The following SMCHD1 variants were observed in gnomAD, a reference collection of about 807,000 sequenced individuals.
SMCHD1 encodes structural maintenance of chromosomes flexible hinge domain-containing protein 1.
Under a neutral mutation model 254.7 loss-of-function variants are expected in SMCHD1, and 78 were observed. The ratio of observed to expected loss-of-function variants is 0.31; its 90% confidence interval spans 0.26 to 0.37. The LOEUF (loss-of-function observed/expected upper bound fraction) is 0.37, where lower values mean the gene tolerates loss of function less well. Ranked by LOEUF, SMCHD1 falls within the 10% of genes least tolerant of loss-of-function variation. The pLI is 1.00. For synonymous variants in SMCHD1, 766 were observed against 794.9 expected (o/e 0.96, Z 0.61); for missense variants, 1,840 against 2,408.1 (o/e 0.76, Z 4.94).
intron 22 of SMCHD1, among the ~76,000 whole-genome samples, chr18:2,727,700 A>T (rs2075052687): frequency 6.6e-6 from 1 of 152,038 alleles, no homozygotes; most frequent in South Asian, 2.1e-4. Flanking sequence ...TAAAATGGGG[A>T]TGATGATAAT....
intron 1 of SMCHD1, among the ~76,000 whole-genome samples, chr18:2,665,213 C>T (rs2073402733): frequency 6.6e-6 from 1 of 152,072 alleles, no homozygotes; most frequent in East Asian, 1.9e-4. Flanking sequence ...TTTTACAGTT[C>T]ATGTGTTCAT....
intron 1 of SMCHD1, among the ~76,000 whole-genome samples, chr18:2,662,196 TAAATAAAGAAAGAAAG>T (rs1449202769): frequency 1.3e-5 from 1 of 79,826 alleles, no homozygotes; most frequent in East Asian, 2.4e-4. Flanking sequence ...AATAAATAAA[TAAATAAAGAAAGAAAG>T]AAAGAAAGAA....
intron 12 of SMCHD1, 180 bp downstream of exon 12, chr18:2,701,098 ATGACTAAACC>A: frequency 2.2e-6 from 1 of 464,170 alleles, no homozygotes; most frequent in Non-Finnish European, 3.8e-6. Context: ...TTTTTTAGTA[ATGACTAAACC>A]TACCTAGTAA....
intron 3 of SMCHD1, among the ~76,000 whole-genome samples, chr18:2,668,253 T>C (rs943786737): frequency 6.6e-6 from 1 of 152,230 alleles, no homozygotes; most frequent in Non-Finnish European, 1.5e-5. Flanking sequence ...CTGAATGTTC[T>C]TGTGACTAAA....
intron 10 of SMCHD1, among the ~76,000 whole-genome samples, chr18:2,698,258 TTTAG>T (rs1306065616): frequency 2.6e-5 from 4 of 152,220 alleles, no homozygotes; most frequent in African/African-American, 9.6e-5. Flanking sequence ...GAACTCTTCT[TTTAG>T]TTCTGTTACG....
At chr18:2,685,576 A>G (rs2074033748) in intron 5 of SMCHD1, among the ~76,000 whole-genome samples, 1 of 152,100 alleles carries the variant, frequency 6.6e-6, no homozygotes, top group African/African-American at 2.4e-5. Context: ...CTGTACCCCC[A>G]AATTGAAGCT....
At position 2,799,261 on chromosome 18, in the gene SMCHD1, C is replaced by CT. The variant is rs111665767; in HGVS notation, c.5993+2749dup. On this transcript the variant is annotated intron_variant, in intron 47 of 47. Transcript: ENST00000320876. ...AATGATTAATGAGCTATTTTACATT[C>CT]TTTTTTTTTAAATACAAAGTCTTCA... Among the ~76,000 whole-genome samples the CT allele has an allele frequency of 7.2e-3, 1,082 of 151,298 alleles. 15 individuals carry two copies. Among genetic ancestry groups the CT allele is most frequent in the African/African-American group, 0.025 (1,031 of 41,274 alleles).
At chr18:2,694,182 A>G (rs2074241350) in intron 7 of SMCHD1, among the ~76,000 whole-genome samples, 1 of 152,214 alleles carries the variant, frequency 6.6e-6, no homozygotes, top group Non-Finnish European at 1.5e-5. Context: ...CTCCCAAGCA[A>G]GCGTTCATTC....
intron 45 of SMCHD1, among the ~76,000 whole-genome samples, chr18:2,790,378 A>G (rs1008921777): frequency 6.6e-6 from 1 of 152,176 alleles, no homozygotes; most frequent in Non-Finnish European, 1.5e-5. Flanking sequence ...TTATTACAGT[A>G]TATTTTTATT....
chr18:2,690,646 CTTT>C (rs71365194), intron 7 of SMCHD1, among the ~76,000 whole-genome samples: 19 of 133,572 alleles, frequency 1.4e-4, no homozygotes, highest in Admixed American at 2.3e-4. Flanking sequence ...TAATTTTTTT[CTTT>C]TTTTTTTTTT....
intron 7 of SMCHD1, chr18:2,691,596 T>C (rs1025926753): frequency 6.6e-6 from 1 of 152,220 alleles, no homozygotes; most frequent in African/African-American, 2.4e-5. Flanking sequence ...CACTGAATCA[T>C]GCTAGCTTCA....
At chr18:2,707,511 A>T in intron 15 of SMCHD1, 52 bp from the exon 16 acceptor site, 1 of 1,053,438 alleles carries the variant, frequency 9.5e-7, no homozygotes, top group Non-Finnish European at 1.4e-6. Context: ...TTTTTAATTA[A>T]GATCATAATT....
intron 41 of SMCHD1, 75 bp from the exon 42 acceptor site, chr18:2,775,659 C>G: frequency 9.2e-6 from 12 of 1,303,344 alleles, no homozygotes; most frequent in East Asian, 2.8e-5. Context: ...GTTACCTAGG[C>G]TTGGGCTTTT....
chr18:2,688,291 G>A, intron 5 of SMCHD1, 103 bp from the exon 6 acceptor site: 1 of 759,972 alleles, frequency 1.3e-6, no homozygotes, highest in African/African-American at 1.7e-5. Flanking sequence ...AGGGGTGTTT[G>A]CAGGCGTGAT....
Position 2,738,509 on chromosome 18 carries a change from A to G in SMCHD1, c.3389A>G (p.Asp1130Gly), listed in dbSNP as rs375371574. 2.5e-6 allele frequency: 4 copies of G among 1,612,762 alleles called. No homozygotes were observed. The highest frequency in any genetic ancestry group is 3.4e-6 in the Non-Finnish European group (4 of 1,179,450). ...DMRYCQVSFQDDHVSLESAFT... is the reference protein window; with the variant it reads ...DMRYCQVSFQGDHVSLESAFT... ...CGCTATTGCCAGGTTTCATTCCAAG[A>G]TGATCATGTGTCTTTGGAAAGTGCG... The change falls in exon 26 of 48, where the codon GAT (aspartate) becomes GGT (glycine). Residue 1130 changes from aspartate to glycine, a missense_variant. Asp to Gly is a moderately conservative substitution (Grantham distance 94, BLOSUM62 -1). Around this residue, in one of 9 missense-constraint regions of SMCHD1, gnomAD observed 881 missense variants for 1,009.5 expected, o/e 0.87. Transcript: ENST00000320876.
chr18:2,772,446 G>A (rs1178742916), intron 41 of SMCHD1, 74 bp downstream of exon 41: 2 of 1,296,306 alleles, frequency 1.5e-6, no homozygotes, highest in Non-Finnish European at 2.0e-6. Context: ...TCTTCTAAAA[G>A]TGACAAAAAA....
intron 20 of SMCHD1, among the ~76,000 whole-genome samples, chr18:2,723,938 A>G (rs1025007076): frequency 4.6e-5 from 7 of 152,116 alleles, no homozygotes; most frequent in African/African-American, 7.2e-5. Context: ...GGAGACTGCT[A>G]TCATTTGCCA....
chr18:2,664,772 C>T (rs1217442702), intron 1 of SMCHD1, among the ~76,000 whole-genome samples: 1 of 152,182 alleles, frequency 6.6e-6, no homozygotes, highest in African/African-American at 2.4e-5. Flanking sequence ...TTTGATCTGA[C>T]TTGCCATTCC....
At chr18:2,785,082 G>A (rs776258156) in intron 45 of SMCHD1, 4 of 277,504 alleles carry the variant, frequency 1.4e-5, no homozygotes, top group Non-Finnish European at 2.8e-5. Flanking sequence ...TGTATGACAT[G>A]TGATCTCCTG....
Sources: gnomAD v4.1 joint callset for allele counts (sites outside exome capture counted in the v4.1 genomes callset) on GRCh38, gnomAD v4.1.1 for gene constraint, gnomAD v4.1.1 regional missense constraint, MANE v1.5 for transcripts, NCBI Gene and HGNC (gene_info 2026-07-23, HGNC 2026-07-21) for gene names.